ASRGL1: variants seen among roughly 807,000 people sequenced by gnomAD.
ASRGL1 encodes the protein asparaginase and isoaspartyl peptidase 1.
ASRGL1 carries 16 observed loss-of-function variants against 22.4 expected under a neutral mutation model. That is an observed-to-expected ratio of 0.71 (90% CI 0.48 to 1.08). ASRGL1 has a LOEUF of 1.08. ASRGL1 is among the 50% of genes least tolerant of loss of function. The pLI, the probability that ASRGL1 is intolerant of heterozygous loss-of-function variation, is 0.00. For missense variants in ASRGL1, 412 were observed against 410.1 expected, an observed-to-expected ratio of 1.00 and a Z score of -0.04; for synonymous variants, 165 against 159.3, an observed-to-expected ratio of 1.04 and a Z score of -0.27.
downstream of ASRGL1, among the ~76,000 whole-genome samples, chr11:62,397,458 G>T (rs1316918667): frequency 2.6e-5 from 4 of 151,984 alleles, no homozygotes; most frequent in African/African-American, 9.7e-5. Flanking sequence ...CTGAGGTCAG[G>T]GTTCGAGACC....
the ASRGL1 span, among the ~76,000 whole-genome samples, chr11:62,401,144 C>T: frequency 2.6e-5 from 4 of 152,368 alleles, no homozygotes; most frequent in African/African-American, 9.6e-5. Flanking sequence ...TGCCATTAAC[C>T]CTCTGTAACT....
chr11:62,362,412 A>T (rs1333937988), intron 4 of ASRGL1, among the ~76,000 whole-genome samples: 3 of 138,732 alleles, frequency 2.2e-5, no homozygotes, highest in Non-Finnish European at 3.0e-5. Flanking sequence ...ATTATTTAGT[A>T]TAAATCTGAT....
chr11:62,343,730 CAAAA>C (rs71053038), intron 2 of ASRGL1, among the ~76,000 whole-genome samples: 2 of 68,970 alleles, frequency 2.9e-5, no homozygotes, highest in Non-Finnish European at 5.0e-5. Flanking sequence ...TCCAGCTCCA[CAAAA>C]AAAAAAAAAA....
intron 2 of ASRGL1, among the ~76,000 whole-genome samples, chr11:62,349,984 T>C (rs1158221671): frequency 2.6e-5 from 4 of 152,078 alleles, no homozygotes; most frequent in African/African-American, 9.7e-5. Context: ...TTTGGTGGGG[T>C]TTGGCTGGCT....
chr11:62,376,266 GTTC>G (rs1358994964), intron 4 of ASRGL1, among the ~76,000 whole-genome samples: 2 of 151,138 alleles, frequency 1.3e-5, no homozygotes, highest in Non-Finnish European at 2.9e-5. Flanking sequence ...AACTTCGTCT[GTTC>G]TTCTGACATC....
rs983899607 is a variant in ASRGL1 at position 62,358,096 on chromosome 11, C to T, written c.491+952C>T. Among the ~76,000 whole-genome samples, 8 of 152,278 alleles carry T rather than the reference C, an allele frequency of 5.3e-5. 1 individual carries two copies. The South Asian group carries it at 8.3e-4, about 16-fold the overall frequency. ...TTAAAAGATTGGCCTTGGCCGGGTGCGGTGGCTCACACCTGTAATCCCAGC... is the reference window on the plus strand; with the variant it reads ...TTAAAAGATTGGCCTTGGCCGGGTGTGGTGGCTCACACCTGTAATCCCAGC... On this transcript the variant is annotated intron_variant, in intron 4 of 6. Coordinates refer to ENST00000415229, the MANE Select transcript of ASRGL1 (RefSeq NM_001083926.2).
chr11:62,381,082 G>A (rs1039839075), intron 4 of ASRGL1, among the ~76,000 whole-genome samples: 22 of 152,088 alleles, frequency 1.4e-4, no homozygotes, highest in African/African-American at 5.3e-4. Flanking sequence ...GGCTACTGGC[G>A]GTTGGGTCTT....
the ASRGL1 span, among the ~76,000 whole-genome samples, chr11:62,398,535 C>T: frequency 3.9e-5 from 6 of 152,086 alleles, no homozygotes; most frequent in African/African-American, 7.2e-5. Flanking sequence ...TGAAGATCCC[C>T]GGGGGCTCGA....
At position 62,337,958 on chromosome 11, in the gene ASRGL1, G is replaced by T; in HGVS notation, c.-20G>T. 1 of 1,578,330 alleles carries T rather than the reference G, an allele frequency of 6.3e-7. No individual in the cohort carries two copies. Among genetic ancestry groups the T allele is most frequent in the African/African-American group, 1.3e-5 (1 of 74,646 alleles). On this transcript the variant is annotated 5_prime_UTR_variant, in exon 2 of 7. Coordinates refer to ENST00000415229, the MANE Select transcript of ASRGL1 (RefSeq NM_001083926.2). ...CTTTGGACGACGCTTTCGCCTTCCTGCTGCCTAGGATCCGCCGACATGAAT... is the reference window on the plus strand; with the variant it reads ...CTTTGGACGACGCTTTCGCCTTCCTTCTGCCTAGGATCCGCCGACATGAAT...
chr11:62,369,093 G>T (rs1375191898), intron 4 of ASRGL1, among the ~76,000 whole-genome samples: 4 of 152,146 alleles, frequency 2.6e-5, no homozygotes, highest in Non-Finnish European at 5.9e-5. Context: ...CATATCTCAG[G>T]CTATCACATG....
At chr11:62,386,439 T>TTCTCATAGATATGTACATATCATACA (rs1947203025) in intron 4 of ASRGL1, among the ~76,000 whole-genome samples, 2 of 75,794 alleles carry the variant, frequency 2.6e-5, no homozygotes, top group Non-Finnish European at 7.7e-5. Context: ...CAATTAAACT[T>TTCTCATAGATATGTACATATCATACA]TATCATAGAT....
rs71053048 is a variant in ASRGL1 at position 62,364,158 on chromosome 11, C to CAAAAAAA, written c.491+7028_491+7034dup. Among the ~76,000 whole-genome samples the CAAAAAAA allele has an allele frequency of 2.8e-4, 26 of 93,482 alleles. 1 individual carries two copies. In the East Asian group the frequency reaches 5.0e-3, roughly 18 times the overall value. 61.3% of individuals were successfully genotyped at this position (93,482 alleles called of 152,430 possible). A position where few individuals can be genotyped will look rare whatever the true frequency, so the allele number is the denominator to read the frequency against. ...TGGGTGACAGGGTAAGAGTCCGTCT[C>CAAAAAAA]AAAAAAAAAAAAAAAAAAAATCAGT... On this transcript the variant is annotated intron_variant, in intron 4 of 6. Coordinates refer to ENST00000415229, the MANE Select transcript of ASRGL1 (RefSeq NM_001083926.2).
intron 6 of ASRGL1, 121 bp downstream of exon 6, chr11:62,391,753 C>G: frequency 1.5e-6 from 2 of 1,309,670 alleles, no homozygotes; most frequent in East Asian, 5.1e-5. Context: ...ATGTTGCTTT[C>G]AGGCCGTTAA....
chr11:62,389,236 G>T lies in ASRGL1; in HGVS notation c.595G>T (p.Asp199Tyr), dbSNP rs774111189. The T allele has an allele frequency of 1.9e-5, 31 of 1,613,984 alleles. No homozygotes were observed. Among genetic ancestry groups the T allele is most frequent in the Non-Finnish European group, 2.5e-5 (30 of 1,179,902 alleles). The change falls in exon 5 of 7, where the codon GAC (aspartate) becomes TAC (tyrosine). Residue 199 changes from aspartate (D) to tyrosine (Y), a missense_variant. Transcript: ENST00000415229. ...IVNKMVGRVG[D>Y]SPCLGAGGYA... ...TAATAAAATGGTCGGCCGCGTTGGG[G>T]ACTCACCGTGTCTAGGTAGGACCAA...
At chr11:62,349,712 C>T (rs765540285) in intron 2 of ASRGL1, among the ~76,000 whole-genome samples, 4 of 152,078 alleles carry the variant, frequency 2.6e-5, no homozygotes, top group African/African-American at 7.2e-5. Flanking sequence ...AGGACGAGTC[C>T]GTAGAGTAAA....
At chr11:62,368,001 A>G (rs1460298285) in intron 4 of ASRGL1, among the ~76,000 whole-genome samples, 1 of 151,964 alleles carries the variant, frequency 6.6e-6, no homozygotes, top group African/African-American at 2.4e-5. Flanking sequence ...TGGCAGGTGG[A>G]TTACTTGAGG....
chr11:62,345,162 C>A (rs1175580274), intron 2 of ASRGL1, among the ~76,000 whole-genome samples: 1 of 152,146 alleles, frequency 6.6e-6, no homozygotes, highest in Non-Finnish European at 1.5e-5. Flanking sequence ...GTGAACAATG[C>A]TGCAGCAAGC....
rs1565162501 is a variant in ASRGL1 at position 62,362,693 on chromosome 11, T to TATATATTATATAAAATATATAA, written c.491+5549_491+5550insATATATTATATAAAATATATAA. On this transcript the variant is annotated intron_variant, in intron 4 of 6. Transcript: ENST00000415229. ...TAATATATATTATATAAAATATATA[T>TATATATTATATAAAATATATAA]TATATATTATATAAAATATATTATA... Among the ~76,000 whole-genome samples the TATATATTATATAAAATATATAA allele has an allele frequency of 2.1e-4, 17 of 79,976 alleles. 1 individual carries two copies. Among genetic ancestry groups the TATATATTATATAAAATATATAA allele is most frequent in the Admixed American group, 9.3e-4 (4 of 4,316 alleles). 52.5% of individuals were successfully genotyped at this position (79,976 alleles called of 152,430 possible).
chr11:62,349,713 G>A (rs1027450493), intron 2 of ASRGL1, among the ~76,000 whole-genome samples: 8 of 152,210 alleles, frequency 5.3e-5, no homozygotes, highest in East Asian at 3.8e-4. Context: ...GGACGAGTCC[G>A]TAGAGTAAAA....
Sources: allele counts gnomAD v4.1 joint callset (sites outside exome capture counted in the v4.1 genomes callset), GRCh38; gene constraint gnomAD v4.1.1; transcripts MANE v1.5; gene names NCBI Gene and HGNC (gene_info 2026-07-23, HGNC 2026-07-21).